KHDRBS2: variants seen among roughly 807,000 people sequenced by gnomAD.
The protein encoded by KHDRBS2 is KH RNA binding domain containing, signal transduction associated 2, also known as KH domain-containing, RNA-binding, signal transduction-associated protein 2.
Under a neutral mutation model 44.3 loss-of-function variants are expected in KHDRBS2, and 26 were observed. That is an observed-to-expected ratio of 0.59 (90% CI 0.43 to 0.81). The LOEUF (loss-of-function observed/expected upper bound fraction) is 0.81, where lower values mean the gene tolerates loss of function less well. Ranked by LOEUF, KHDRBS2 falls within the 40% of genes least tolerant of loss-of-function variation. The probability of loss-of-function intolerance (pLI) is 0.00; values close to 1 mark genes in which losing one functional copy is unlikely to be tolerated. For missense variants in KHDRBS2, 476 were observed against 433.1 expected, an observed-to-expected ratio of 1.10 and a Z score of -0.88; for synonymous variants, 194 against 151.1, an observed-to-expected ratio of 1.28 and a Z score of -2.08.
rs1270253106 is a variant in KHDRBS2 at position 62,240,113 on chromosome 6, T to C, written c.91+45745A>G. ...TGCTCCTATTATTAACATATAACAT[T>C]AGTATGGTACATTTGTCACAATTAA... On this transcript the variant is annotated intron_variant, in intron 1 of 8. Coordinates refer to ENST00000281156, the MANE Select transcript of KHDRBS2 (RefSeq NM_152688.4). 2.0e-5 allele frequency among the ~76,000 whole-genome samples: 3 copies of C among 152,132 alleles called. No homozygotes were observed. The East Asian group carries it at 5.8e-4, about 29-fold the overall frequency.
intron 6 of KHDRBS2, among the ~76,000 whole-genome samples, chr6:61,740,175 AGTT>A (rs1174508264): frequency 6.6e-6 from 1 of 151,894 alleles, no homozygotes; most frequent in Non-Finnish European, 1.5e-5. Flanking sequence ...TTCCCCGAAA[AGTT>A]GTTGTTTGAG....
chr6:61,608,948 A>G, the KHDRBS2 span, among the ~76,000 whole-genome samples: 233 of 152,342 alleles, frequency 1.5e-3, no homozygotes, highest in African/African-American at 5.4e-3. Flanking sequence ...CTTTGGGTAT[A>G]TACCCAGTAA....
At chr6:61,777,928 C>T (rs1255740049) in intron 6 of KHDRBS2, among the ~76,000 whole-genome samples, 2 of 151,950 alleles carry the variant, frequency 1.3e-5, no homozygotes, top group East Asian at 1.9e-4. Flanking sequence ...AGGAGTTTGT[C>T]GTATGAATTA....
intron 6 of KHDRBS2, among the ~76,000 whole-genome samples, chr6:61,824,337 G>C (rs1488606625): frequency 6.6e-6 from 1 of 151,910 alleles, no homozygotes; most frequent in African/African-American, 2.4e-5. Flanking sequence ...CACAAAATGG[G>C]GTTGTTTGAA....
intron 4 of KHDRBS2, among the ~76,000 whole-genome samples, chr6:61,970,748 T>C (rs1383130736): frequency 6.6e-6 from 1 of 152,122 alleles, no homozygotes; most frequent in Non-Finnish European, 1.5e-5. Flanking sequence ...ACGCCTCTCT[T>C]GCTCTATGTT....
chr6:62,178,589 G>C (rs1403138559), intron 1 of KHDRBS2, among the ~76,000 whole-genome samples: 3 of 151,492 alleles, frequency 2.0e-5, no homozygotes, highest in Non-Finnish European at 4.4e-5. Flanking sequence ...TGAGAAACGA[G>C]GCTGACAAAG....
chr6:62,238,121 AT>A (rs1348451721), intron 1 of KHDRBS2, among the ~76,000 whole-genome samples: 1 of 152,100 alleles, frequency 6.6e-6, no homozygotes, highest in East Asian at 1.9e-4. Context: ...AAATTGTCAA[AT>A]TAATTAGATG....
intron 1 of KHDRBS2, among the ~76,000 whole-genome samples, chr6:62,248,193 CA>C (rs1233714262): frequency 6.7e-6 from 1 of 149,712 alleles, no homozygotes; most frequent in Non-Finnish European, 1.5e-5. Flanking sequence ...TCTATAATTC[CA>C]AAAATAAAAA....
intron 1 of KHDRBS2, among the ~76,000 whole-genome samples, chr6:62,274,425 T>C (rs1371708684): frequency 6.6e-6 from 1 of 152,156 alleles, no homozygotes; most frequent in Non-Finnish European, 1.5e-5. Context: ...AAATCCAAAA[T>C]TCTTAACATA....
At chr6:61,914,890 A>C (rs1806711281) in intron 4 of KHDRBS2, among the ~76,000 whole-genome samples, 1 of 152,160 alleles carries the variant, frequency 6.6e-6, no homozygotes, top group Non-Finnish European at 1.5e-5. Context: ...AACAGAGTTG[A>C]GAACTTGTCA....
intron 5 of KHDRBS2, among the ~76,000 whole-genome samples, chr6:61,897,574 C>T (rs1562394791): frequency 1.3e-5 from 2 of 152,108 alleles, no homozygotes; most frequent in Non-Finnish European, 2.9e-5. Flanking sequence ...GTTTAATTGG[C>T]ATTAATTCAT....
chr6:62,159,641 C>T (rs1323448301), intron 2 of KHDRBS2, among the ~76,000 whole-genome samples: 1 of 151,992 alleles, frequency 6.6e-6, no homozygotes, highest in African/African-American at 2.4e-5. Context: ...TTTTGACTCC[C>T]CTAAAATTTA....
intron 2 of KHDRBS2, among the ~76,000 whole-genome samples, chr6:62,076,554 C>G (rs1322386390): frequency 6.6e-6 from 1 of 151,896 alleles, no homozygotes; most frequent in African/African-American, 2.4e-5. Context: ...CACTGTGAAG[C>G]CTTTTTGTCT....
intron 1 of KHDRBS2, among the ~76,000 whole-genome samples, chr6:62,219,953 T>C (rs968648882): frequency 6.8e-6 from 1 of 147,936 alleles, no homozygotes; most frequent in African/African-American, 2.4e-5. Flanking sequence ...TATATATAAC[T>C]GTATATACTA....
At chr6:61,772,852 A>C (rs560418436) in intron 6 of KHDRBS2, among the ~76,000 whole-genome samples, 1 of 151,856 alleles carries the variant, frequency 6.6e-6, no homozygotes, top group East Asian at 1.9e-4. Flanking sequence ...CATGTCTTCT[A>C]ATTGTTCAAT....
intron 2 of KHDRBS2, among the ~76,000 whole-genome samples, chr6:62,130,939 A>G (rs1008286062): frequency 1.3e-5 from 2 of 152,148 alleles, no homozygotes; most frequent in Non-Finnish European, 2.9e-5. Flanking sequence ...GTAAAGTTGA[A>G]AAATTATAAG....
intron 4 of KHDRBS2, among the ~76,000 whole-genome samples, chr6:61,956,788 C>T (rs886496824): frequency 1.6e-4 from 25 of 152,138 alleles, no homozygotes; most frequent in Admixed American, 1.3e-3. Flanking sequence ...AGTATCTGTG[C>T]CTTAAACACG....
At chr6:62,040,841 T>C (rs986301678) in intron 3 of KHDRBS2, among the ~76,000 whole-genome samples, 1 of 152,078 alleles carries the variant, frequency 6.6e-6, no homozygotes, top group African/African-American at 2.4e-5. Flanking sequence ...TGCATTCTAT[T>C]GGTTACAAGC....
chr6:61,729,857 A>T (rs77653060), intron 7 of KHDRBS2, among the ~76,000 whole-genome samples: 343 of 152,288 alleles, frequency 2.3e-3, no homozygotes, highest in Admixed American at 3.4e-3. Flanking sequence ...GATATTCTTT[A>T]GAAATATATG....
Sources: gnomAD v4.1 joint callset for allele counts (sites outside exome capture counted in the v4.1 genomes callset) on GRCh38, gnomAD v4.1.1 for gene constraint, MANE v1.5 for transcripts, NCBI Gene and HGNC (gene_info 2026-07-23, HGNC 2026-07-21) for gene names.